CEP192: variants seen among roughly 807,000 people sequenced by gnomAD.
CEP192 encodes centrosomal protein 192.
In CEP192, 151 loss-of-function variants were observed where a neutral mutation model predicts 271.8. That is an observed-to-expected ratio of 0.56 (90% CI 0.49 to 0.64). The LOEUF (loss-of-function observed/expected upper bound fraction) is 0.64, where lower values mean the gene tolerates loss of function less well. CEP192 is among the 30% of genes least tolerant of loss of function. The pLI is 0.00. For missense variants in CEP192, 2,910 were observed against 3,020.5 expected (o/e 0.96, Z 0.86); for synonymous variants, 995 against 1,076.5 (o/e 0.92, Z 1.48).
chr18:13,057,369 T>A (rs536662010), intron 19 of CEP192, among the ~76,000 whole-genome samples: 37 of 152,288 alleles, frequency 2.4e-4, no homozygotes, highest in African/African-American at 8.2e-4. Flanking sequence ...GATCCAATTT[T>A]AATTTTTCTT....
chr18:13,100,474 G>C lies in CEP192; in HGVS notation c.6833G>C (p.Ser2278Thr). The change falls in exon 38 of 45, where the codon AGT (serine) becomes ACT (threonine). Residue 2278 changes from serine (S) to threonine (T), a missense_variant. Coordinates refer to ENST00000506447, the MANE Select transcript of CEP192 (RefSeq NM_032142.4). ...PSTKVEIRNK[S>T]ITFPTTEPGE... ...ACAAAAGTTGAAATAAGAAACAAGAGTATTACTTTTCCTACAACAGAACCT... is the reference window on the plus strand; with the variant it reads ...ACAAAAGTTGAAATAAGAAACAAGACTATTACTTTTCCTACAACAGAACCT... The C allele has an allele frequency of 6.2e-7, 1 of 1,613,894 alleles. No individual in the cohort carries two copies. Among genetic ancestry groups the C allele is most frequent in the Non-Finnish European group, 8.5e-7 (1 of 1,179,972 alleles).
intron 3 of CEP192, among the ~76,000 whole-genome samples, chr18:13,008,086 T>G (rs1047020246): frequency 4.1e-4 from 62 of 152,260 alleles, no homozygotes; most frequent in Admixed American, 3.9e-3. Context: ...TTCAGAGATT[T>G]GGCTATTTTG....
At chr18:13,023,038 G>A (rs1220667950) in intron 9 of CEP192, among the ~76,000 whole-genome samples, 1 of 152,136 alleles carries the variant, frequency 6.6e-6, no homozygotes, top group Non-Finnish European at 1.5e-5. Context: ...AAACATGTAT[G>A]CTGTCATCTT....
At chr18:13,031,562 T>C (rs1343623003) in intron 11 of CEP192, among the ~76,000 whole-genome samples, 1 of 152,138 alleles carries the variant, frequency 6.6e-6, no homozygotes, top group Non-Finnish European at 1.5e-5. Context: ...GCCTTATTGT[T>C]AATAGGCTTG....
At chr18:13,069,935 TGGATTACCTGAGGTCA>T (rs1415010499) in intron 27 of CEP192, 79 bp downstream of exon 27, 10 of 795,072 alleles carry the variant, frequency 1.3e-5, no homozygotes, top group Non-Finnish European at 2.1e-5. Flanking sequence ...CCGAGGTGGG[TGGATTACCTGAGGTCA>T]GGAGTTCGAG....
intron 30 of CEP192, among the ~76,000 whole-genome samples, chr18:13,086,053 A>G (rs1284285867): frequency 6.6e-6 from 1 of 152,052 alleles, no homozygotes; most frequent in Admixed American, 6.5e-5. Context: ...GTCTTCTCTT[A>G]CTTCTTTGAG....
chr18:13,069,843 G>T lies in CEP192; in HGVS notation c.5161G>T (p.Ala1721Ser). 4 of 1,576,820 alleles carry T rather than the reference G, an allele frequency of 2.5e-6. No individual in the cohort carries two copies. The highest frequency in any genetic ancestry group is 3.5e-6 in the Non-Finnish European group (4 of 1,146,620). Reference protein sequence around the residue: ...IVSFTPKDPEACEERILKIFV... With the variant: ...IVSFTPKDPESCEERILKIFV... ...TTCATTTACTCCAAAGGATCCTGAA[G>T]CCTGCGAGGAAAGGTAATATAAAAA... Residue 1721 changes from alanine to serine, a missense_variant, in exon 27 of 45, where the codon GCC becomes TCC. Coordinates refer to ENST00000506447, the MANE Select transcript of CEP192 (RefSeq NM_032142.4).
intron 36 of CEP192, among the ~76,000 whole-genome samples, chr18:13,097,057 A>C (rs920946891): frequency 6.6e-6 from 1 of 152,188 alleles, no homozygotes; most frequent in Non-Finnish European, 1.5e-5. Context: ...ATTTTAGGAG[A>C]GTTTACTTGA....
chr18:13,106,725 A>G (rs1267000385), intron 40 of CEP192, among the ~76,000 whole-genome samples: 4 of 147,344 alleles, frequency 2.7e-5, no homozygotes, highest in Non-Finnish European at 6.0e-5. Context: ...ACAATGTTCA[A>G]TTACAACCAC....
chr18:13,001,686 T>TA, intron 3 of CEP192, 104 bp downstream of exon 3: 7 of 1,171,390 alleles, frequency 6.0e-6, no homozygotes, highest in Non-Finnish European at 8.0e-6. Context: ...TCTGATTAAT[T>TA]CTAAGAATCT....
chr18:13,055,685 A>T, intron 18 of CEP192, 95 bp from the exon 19 acceptor site: 1 of 847,550 alleles, frequency 1.2e-6, no homozygotes, highest in Non-Finnish European at 1.8e-6. Flanking sequence ...CACCTCATGC[A>T]CATCTCTTTG....
At chr18:13,048,033 A>G (rs2036575141) in intron 15 of CEP192, among the ~76,000 whole-genome samples, 1 of 152,176 alleles carries the variant, frequency 6.6e-6, no homozygotes, top group Non-Finnish European at 1.5e-5. Context: ...TTTAACTGGT[A>G]TGCCCTTAAT....
In CEP192 at chr18:13,099,559, T is replaced by C; in HGVS notation, c.6641T>C (p.Ile2214Thr). 1.3e-6 allele frequency: 2 copies of C among 1,579,278 alleles called. No homozygotes were observed. Among genetic ancestry groups the C allele is most frequent in the Admixed American group, 1.9e-5 (1 of 53,252 alleles). Residue 2214 changes from isoleucine to threonine, a missense_variant, in exon 37 of 45, where the codon ATA (isoleucine) becomes ACA (threonine). Coordinates refer to ENST00000506447, the MANE Select transcript of CEP192 (RefSeq NM_032142.4). Reference protein sequence around the residue: ...SMFPWSGLIYIHCDDGQKKIV... With the variant: ...SMFPWSGLIYTHCDDGQKKIV... Reference sequence around the variant, plus strand: ...TTCCCGTGGAGTGGTTTGATCTATATACACTGTGACGATGGACAGAAGGTA... The same window carrying C: ...TTCCCGTGGAGTGGTTTGATCTATACACACTGTGACGATGGACAGAAGGTA...
intron 34 of CEP192, among the ~76,000 whole-genome samples, chr18:13,094,942 C>T (rs964915830): frequency 2.0e-5 from 3 of 152,182 alleles, no homozygotes; most frequent in Admixed American, 1.3e-4. Flanking sequence ...TCCCATTGCA[C>T]GGCTGTCTCC....
At chr18:13,061,395 T>C (rs1485715642) in intron 21 of CEP192, among the ~76,000 whole-genome samples, 1 of 152,202 alleles carries the variant, frequency 6.6e-6, no homozygotes, top group Non-Finnish European at 1.5e-5. Context: ...GAGGTAGGTG[T>C]TGGGGATGAG....
At chr18:12,998,106 C>A (rs1207329079) in intron 1 of CEP192, among the ~76,000 whole-genome samples, 1 of 152,142 alleles carries the variant, frequency 6.6e-6, no homozygotes, top group Non-Finnish European at 1.5e-5. Flanking sequence ...AAAATCTATG[C>A]TTTAATCCAA....
At chr18:13,008,156 G>T (rs2034095403) in intron 3 of CEP192, among the ~76,000 whole-genome samples, 2 of 152,160 alleles carry the variant, frequency 1.3e-5, no homozygotes, top group African/African-American at 4.8e-5. Flanking sequence ...ATGTAGATTG[G>T]TAGTTTCAAG....
chr18:13,083,465 C>G (rs1412289774), intron 30 of CEP192, among the ~76,000 whole-genome samples: 2 of 152,210 alleles, frequency 1.3e-5, no homozygotes, highest in East Asian at 3.8e-4. Flanking sequence ...TCAGCTCCAT[C>G]AGGTCATTTG....
At position 13,059,109 on chromosome 18, in the gene CEP192, G is replaced by C. The variant is rs1232276974; in HGVS notation, c.4285G>C (p.Val1429Leu). The C allele has an allele frequency of 6.8e-6, 11 of 1,613,694 alleles. No homozygotes were observed. Among genetic ancestry groups the C allele is most frequent in the Non-Finnish European group, 9.3e-6 (11 of 1,179,758 alleles). Residue 1429 changes from valine (V) to leucine (L), a missense_variant, in exon 21 of 45, where the codon GTT becomes CTT. By Grantham distance (32) the Val-to-Leu change is conservative. Transcript: ENST00000506447. ...GGATCTTTCAACATATCGTTGTTTA[G>C]TTTTCAAGAATAAAGCCATCATAAG... ...KVDLSTYRCL[V>L]FKNKAIIRPH...
Sources: gnomAD v4.1 joint callset for allele counts (sites outside exome capture counted in the v4.1 genomes callset) on GRCh38, gnomAD v4.1.1 for gene constraint, MANE v1.5 for transcripts, NCBI Gene and HGNC (gene_info 2026-07-23, HGNC 2026-07-21) for gene names.